Variants in TBC1D9 observed in about 807,000 individuals in gnomAD.
The protein encoded by TBC1D9 is TBC1 domain family member 9.
In TBC1D9, 63 loss-of-function variants were observed where a neutral mutation model predicts 132.0. The ratio of observed to expected loss-of-function variants is 0.48; its 90% CI spans 0.39 to 0.59. The LOEUF (loss-of-function observed/expected upper bound fraction) is 0.59, where lower values mean the gene tolerates loss of function less well. Ranked by LOEUF, TBC1D9 falls within the 20% of genes least tolerant of loss-of-function variation. The probability of loss-of-function intolerance (pLI) is 0.00; values close to 1 mark genes in which losing one functional copy is unlikely to be tolerated. For synonymous variants in TBC1D9, 610 were observed against 609.9 expected (o/e 1.00, Z 0.00); for missense variants, 1,261 against 1,592.7 (o/e 0.79, Z 3.54).
chr4:140,695,516 A>C (rs1737939842), intron 2 of TBC1D9, among the ~76,000 whole-genome samples: 1 of 152,222 alleles, frequency 6.6e-6, no homozygotes, highest in Non-Finnish European at 1.5e-5. Context: ...AGATGCATCC[A>C]GAGGGAACTG....
At chr4:140,691,229 A>T (rs1273704211) in intron 2 of TBC1D9, among the ~76,000 whole-genome samples, 2 of 152,158 alleles carry the variant, frequency 1.3e-5, no homozygotes, top group Non-Finnish European at 2.9e-5. Flanking sequence ...ACCCCAGAAA[A>T]AAGGGTCCAA....
intron 6 of TBC1D9, among the ~76,000 whole-genome samples, chr4:140,673,252 C>T (rs1411417081): frequency 6.6e-6 from 1 of 152,018 alleles, no homozygotes; most frequent in African/African-American, 2.4e-5. Context: ...AAATGCTTAA[C>T]ATCTGTTGAC....
At chr4:140,677,378 C>G (rs1036546410) in intron 5 of TBC1D9, among the ~76,000 whole-genome samples, 3 of 152,148 alleles carry the variant, frequency 2.0e-5, no homozygotes, top group African/African-American at 7.2e-5. Context: ...GAACAGGAAA[C>G]TCTTCCTCTT....
In TBC1D9 at chr4:140,676,989, T is replaced by C. The variant is rs1202892239; in HGVS notation, c.964A>G (p.Met322Val). The C allele has an allele frequency of 1.2e-6, 2 of 1,614,006 alleles. No individual in the cohort carries two copies. Among genetic ancestry groups the C allele is most frequent in the East Asian group, 4.5e-5 (2 of 44,890 alleles). ...DCTLWTPFNK[M>V]HILGQMFVST... is the part of the protein sequence containing the mutation. ...ACAAACATCTGCCCCAAAATGTGCA[T>C]TTTGTTAAATGGAGTCCAGAGAGTG... is the stretch of plus-strand genomic sequence containing the variant. Residue 322 changes from methionine (M) to valine (V), a missense_variant, in exon 6 of 21, where the codon ATG becomes GTG. Met to Val is a conservative substitution (Grantham distance 21). Transcript: ENST00000442267.
intron 9 of TBC1D9, among the ~76,000 whole-genome samples, chr4:140,665,167 A>T (rs540921886): frequency 6.6e-6 from 1 of 152,058 alleles, no homozygotes; most frequent in Admixed American, 6.6e-5. Context: ...CTAAAACTAC[A>T]AACTCTTAGA....
intron 1 of TBC1D9, among the ~76,000 whole-genome samples, chr4:140,712,524 C>T (rs1738261564): frequency 6.8e-6 from 1 of 146,062 alleles, no homozygotes; most frequent in East Asian, 2.0e-4. Context: ...GGGCAAATCA[C>T]GAGGTCAAGA....
chr4:140,721,113 C>T (rs1738416998), intron 1 of TBC1D9, among the ~76,000 whole-genome samples: 1 of 152,160 alleles, frequency 6.6e-6, no homozygotes, highest in Non-Finnish European at 1.5e-5. Flanking sequence ...CCTGGGGGCC[C>T]CTCTCTGAGG....
chr4:140,734,875 T>C (rs1317043334), intron 1 of TBC1D9, among the ~76,000 whole-genome samples: 4 of 152,176 alleles, frequency 2.6e-5, no homozygotes, highest in Non-Finnish European at 4.4e-5. Context: ...ACCCTCACAA[T>C]AAACATGTGA....
At chr4:140,682,742 T>C (rs1183280311) in intron 3 of TBC1D9, among the ~76,000 whole-genome samples, 1 of 152,160 alleles carries the variant, frequency 6.6e-6, no homozygotes, top group Non-Finnish European at 1.5e-5. Context: ...AACATGCTAT[T>C]CTCCTGGGTC....
rs111371539 is a variant in TBC1D9 at position 140,723,754 on chromosome 4, T to G, written c.131-22140A>C. 3.0e-3 allele frequency among the ~76,000 whole-genome samples: 452 copies of G among 152,316 alleles called. 4 individuals carry two copies. Among genetic ancestry groups the G allele is most frequent in the African/African-American group, 9.6e-3 (401 of 41,568 alleles). The stretch of plus-strand genomic sequence containing the variant: ...GTCGTATATTTATTTTTAATTCATA[T>G]TTATTTATCTATGTTATTTTTAGAA... On this transcript the variant is annotated intron_variant, in intron 1 of 20. Coordinates refer to ENST00000442267, the MANE Select transcript of TBC1D9 (RefSeq NM_015130.3).
chr4:140,740,743 TAATA>T lies in TBC1D9; in HGVS notation c.130+15169_130+15172del, dbSNP rs367758234. Among the ~76,000 whole-genome samples the T allele has an allele frequency of 6.0e-3, 921 of 152,282 alleles. 9 individuals carry two copies. Among genetic ancestry groups the T allele is most frequent in the African/African-American group, 0.021 (873 of 41,546 alleles). Reference sequence around the variant, plus strand: ...TCCCAGACATGCCCTAAAGCTGGCTTAATAAATAGAGAGGAGTGAGACTTATACC... The same window carrying T: ...TCCCAGACATGCCCTAAAGCTGGCTTAATAGAGAGGAGTGAGACTTATACC... On this transcript the variant is annotated intron_variant, in intron 1 of 20. Coordinates refer to ENST00000442267, the MANE Select transcript of TBC1D9 (RefSeq NM_015130.3).
At chr4:140,641,230 T>C (rs1736988599) in intron 13 of TBC1D9, among the ~76,000 whole-genome samples, 1 of 151,976 alleles carries the variant, frequency 6.6e-6, no homozygotes, top group African/African-American at 2.4e-5. Context: ...GGATGGACAG[T>C]GATATGAAAG....
In TBC1D9 at chr4:140,622,439, T is replaced by C. The variant is rs1736632494; in HGVS notation, c.3557A>G (p.Asp1186Gly). The change falls in exon 21 of 21, where the codon GAC becomes GGC. Residue 1186 changes from aspartate to glycine, a missense_variant. By Grantham distance (94) the Asp-to-Gly change is moderately conservative. This residue lies in a region of TBC1D9 where 618 missense variants were observed against 724.4 expected (regional missense o/e 0.85). Transcript: ENST00000442267. ...DKLHCEDIGE[D>G]TVLVRSGQGT... ...CTGGCCGCTCCGCACCAGGACCGTGTCCTCTCCGATGTCCTCGCAGTGCAG... is the reference window on the plus strand; with the variant it reads ...CTGGCCGCTCCGCACCAGGACCGTGCCCTCTCCGATGTCCTCGCAGTGCAG... The C allele has an allele frequency of 1.2e-6, 2 of 1,613,824 alleles. No individual in the cohort carries two copies. Among genetic ancestry groups the C allele is most frequent in the Non-Finnish European group, 8.5e-7 (1 of 1,179,838 alleles).
intron 10 of TBC1D9, among the ~76,000 whole-genome samples, chr4:140,661,361 A>G (rs1419510099): frequency 2.0e-5 from 3 of 152,220 alleles, no homozygotes; most frequent in Non-Finnish European, 2.9e-5. Context: ...ATTAAGACAT[A>G]ACCCTAGCAT....
intron 1 of TBC1D9, among the ~76,000 whole-genome samples, chr4:140,737,878 A>G (rs922353352): frequency 6.6e-6 from 1 of 152,224 alleles, no homozygotes; most frequent in African/African-American, 2.4e-5. Context: ...GTGGAGCCTC[A>G]GTTCCAGAAA....
chr4:140,714,857 T>C (rs1738305332), intron 1 of TBC1D9, among the ~76,000 whole-genome samples: 1 of 152,190 alleles, frequency 6.6e-6, no homozygotes, highest in Non-Finnish European at 1.5e-5. Flanking sequence ...GCAGGCATAG[T>C]GGCTCATGCC....
At chr4:140,714,224 T>C (rs1413592932) in intron 1 of TBC1D9, among the ~76,000 whole-genome samples, 2 of 152,336 alleles carry the variant, frequency 1.3e-5, no homozygotes, top group East Asian at 3.9e-4. Flanking sequence ...AAGAGGTTTA[T>C]TCTGAGCCAA....
chr4:140,652,994 G>T (rs1312892890), intron 13 of TBC1D9, among the ~76,000 whole-genome samples: 1 of 152,088 alleles, frequency 6.6e-6, no homozygotes, highest in Non-Finnish European at 1.5e-5. Flanking sequence ...CTTCCAGGAG[G>T]GGCATCTCAG....
In TBC1D9 at chr4:140,716,931, A is replaced by AC. The variant is rs1192006556; in HGVS notation, c.131-15318_131-15317insG. Among the ~76,000 whole-genome samples the AC allele has an allele frequency of 7.2e-5, 11 of 151,726 alleles. No individual in the cohort carries two copies. In the East Asian group the frequency reaches 9.7e-4, roughly 13 times the overall value. ...GAGTAATGGGGGCTGTAAAAAAAAA[A>AC]AAAACACAAACAACAACAACAACAA... is the stretch of plus-strand genomic sequence containing the variant. On this transcript the variant is annotated intron_variant, in intron 1 of 20. Transcript: ENST00000442267.
Sources: gnomAD v4.1 joint callset for allele counts (sites outside exome capture counted in the v4.1 genomes callset) on GRCh38, gnomAD v4.1.1 for gene constraint, gnomAD v4.1.1 regional missense constraint, MANE v1.5 for transcripts, NCBI Gene and HGNC (gene_info 2026-07-23, HGNC 2026-07-21) for gene names.